POLE: variants seen among roughly 807,000 people sequenced by gnomAD.
POLE encodes the protein DNA polymerase epsilon catalytic subunit A.
Under a neutral mutation model 279.2 loss-of-function variants are expected in POLE, and 188 were observed. The ratio of observed to expected loss-of-function variants is 0.67; its 90% CI spans 0.60 to 0.76. The LOEUF (loss-of-function observed/expected upper bound fraction) is 0.76. POLE is among the 30% of genes least tolerant of loss of function. The pLI is 0.00. For missense variants in POLE, 2,703 were observed against 3,016.7 expected (o/e 0.90, Z 2.44); for synonymous variants, 1,214 against 1,172.5 (o/e 1.04, Z -0.72).
At chr12:132,656,088 C>A (rs2042529086) in intron 29 of POLE, among the ~76,000 whole-genome samples, 2 of 150,762 alleles carry the variant, frequency 1.3e-5, no homozygotes, top group Admixed American at 1.3e-4. Context: ...GAGGCTGAGG[C>A]AGAAAAAAAT....
intron 13 of POLE, 71 bp downstream of exon 13, chr12:132,673,504 C>T (rs2135998348): frequency 6.4e-7 from 1 of 1,566,510 alleles, no homozygotes; most frequent in Non-Finnish European, 8.7e-7. Flanking sequence ...GCTCACATGC[C>T]TGGGGCTGCT....
intron 33 of POLE, 106 bp downstream of exon 33, chr12:132,643,731 C>A: frequency 1.4e-6 from 2 of 1,470,760 alleles, no homozygotes; most frequent in South Asian, 1.3e-5. Context: ...GGGAACGAGT[C>A]CACTGTCGCT....
At chr12:132,672,521 C>T (rs756779708) in intron 15 of POLE, 106 bp downstream of exon 15, 69 of 1,264,776 alleles carry the variant, frequency 5.5e-5, no homozygotes, top group Non-Finnish European at 7.0e-5. Context: ...GGTGAGGGGC[C>T]GTGGGACAGG....
At chr12:132,676,008 C>A in intron 10 of POLE, 86 bp downstream of exon 10, 1 of 1,001,498 alleles carries the variant, frequency 1.0e-6, no homozygotes, top group Non-Finnish European at 1.5e-6. Context: ...CAATTCTGAT[C>A]TGACGGAATG....
intron 29 of POLE, among the ~76,000 whole-genome samples, chr12:132,654,236 CT>C (rs1200177937): frequency 1.2e-4 from 18 of 145,414 alleles, no homozygotes; most frequent in East Asian, 2.0e-4. Flanking sequence ...TTTTTCGTCT[CT>C]TTTTTTTTTC....
intron 7 of POLE, 46 bp from the exon 8 acceptor site, chr12:132,677,489 G>A: frequency 6.2e-7 from 1 of 1,607,408 alleles, no homozygotes; most frequent in South Asian, 1.1e-5. Flanking sequence ...ATCCAGGAAA[G>A]TCTATTCTTC....
At chr12:132,673,334 T>A in intron 13 of POLE, 57 bp from the exon 14 acceptor site, 1 of 1,309,928 alleles carries the variant, frequency 7.6e-7, no homozygotes, top group Non-Finnish European at 1.1e-6. Context: ...CAGGGTCAAG[T>A]GTGAAGCACA....
intron 8 of POLE, among the ~76,000 whole-genome samples, chr12:132,676,932 T>C (rs963532194): frequency 6.6e-6 from 1 of 152,204 alleles, no homozygotes; most frequent in Non-Finnish European, 1.5e-5. Flanking sequence ...CACCTCATTC[T>C]GGTGGTTATG....
rs2138487336 is a variant in POLE, at chr12:132,636,019, T to C, written c.5684A>G (p.His1895Arg). Residue 1895 changes from histidine (H) to arginine (R), a missense_variant, in exon 42 of 49, where the codon CAT (histidine) becomes CGT (arginine). By Grantham distance (29) the His-to-Arg change is conservative. This residue lies in a region of POLE where 1,551 missense variants were observed against 1,686.1 expected (regional missense o/e 0.92). Transcript: ENST00000320574. ...AYVEYITSSI[H>R]SKETFHSLTI... ...CAGAGAATGGAAGGTCTCCTTTGAATGGATGCTGCAGAGGAAGCATTGAAG... is the reference window on the plus strand; with the variant it reads ...CAGAGAATGGAAGGTCTCCTTTGAACGGATGCTGCAGAGGAAGCATTGAAG... 1.9e-6 allele frequency: 3 copies of C among 1,613,164 alleles called. No individual in the cohort carries two copies. Among genetic ancestry groups the C allele is most frequent in the South Asian group, 1.1e-5 (1 of 90,946 alleles).
rs186745909 is a variant in POLE, at chr12:132,640,843, C to T, written c.5378+804G>A. On this transcript the variant is annotated intron_variant, in intron 39 of 48. Coordinates refer to ENST00000320574, the MANE Select transcript of POLE (RefSeq NM_006231.4). Reference sequence around the variant, plus strand: ...ACCTTTCAGGCCTGGGCTACTGTCTCTCTGCCAAGACCCTGCTCCCGGCTC... The same window carrying T: ...ACCTTTCAGGCCTGGGCTACTGTCTTTCTGCCAAGACCCTGCTCCCGGCTC... Among the ~76,000 whole-genome samples the T allele has an allele frequency of 2.6e-4, 40 of 152,306 alleles. No homozygotes were observed. In the East Asian group the frequency reaches 7.3e-3, roughly 28 times the overall value.
chr12:132,682,291 C>CAAAAAAAAAA (rs759276322), intron 1 of POLE, among the ~76,000 whole-genome samples: 1 of 120,472 alleles, frequency 8.3e-6, no homozygotes, highest in African/African-American at 3.4e-5. Context: ...GAGACTCCGG[C>CAAAAAAAAAA]AAAAAAAAAA....
intron 1 of POLE, among the ~76,000 whole-genome samples, chr12:132,685,237 C>T (rs530203945): frequency 6.6e-6 from 1 of 150,392 alleles, no homozygotes; most frequent in East Asian, 2.0e-4. Flanking sequence ...TCACACCGTC[C>T]CAGTACTACA....
chr12:132,650,026 C>T, intron 29 of POLE, 137 bp from the exon 30 acceptor site: 2 of 676,096 alleles, frequency 3.0e-6, no homozygotes, highest in South Asian at 1.9e-5. Flanking sequence ...GCCTGGGTAA[C>T]AGCAAGACCC....
chr12:132,638,755 T>C (rs2138505846), intron 40 of POLE: 1 of 221,500 alleles, frequency 4.5e-6, no homozygotes. Context: ...ATTTGCTATT[T>C]GTAACAACGG....
intron 20 of POLE, among the ~76,000 whole-genome samples, chr12:132,666,517 G>A (rs1401274373): frequency 1.3e-5 from 2 of 152,276 alleles, no homozygotes; most frequent in East Asian, 1.9e-4. Context: ...GGGAGGTGGA[G>A]GCTGCAGTGA....
rs2042160893 is a variant in POLE at position 132,642,213 on chromosome 12, T to C, written c.5137A>G (p.Thr1713Ala). The C allele has an allele frequency of 6.2e-7, 1 of 1,605,872 alleles. No individual in the cohort carries two copies. Among genetic ancestry groups the C allele is most frequent in the Non-Finnish European group, 8.5e-7 (1 of 1,175,972 alleles). Residue 1713 changes from threonine to alanine, a missense_variant, in exon 38 of 49, where the codon ACT becomes GCT. Physicochemically the swap from Thr to Ala is moderately conservative, Grantham distance 58. This residue lies in a region of POLE where 1,551 missense variants were observed against 1,686.1 expected (regional missense o/e 0.92). Transcript: ENST00000320574. ...CAGCCTGAACTGTTGATCTCAACAGTGGCTTGGTCATCGAACTCCATGACA... is the reference window on the plus strand; with the variant it reads ...CAGCCTGAACTGTTGATCTCAACAGCGGCTTGGTCATCGAACTCCATGACA... ...CLVMEFDDQATVEINSSGCYS... is the reference protein window; with the variant it reads ...CLVMEFDDQAAVEINSSGCYS...
intron 29 of POLE, among the ~76,000 whole-genome samples, chr12:132,655,587 A>T (rs994326279): frequency 7.2e-5 from 11 of 152,214 alleles, no homozygotes; most frequent in Non-Finnish European, 1.0e-4. Flanking sequence ...ACATCTCCCA[A>T]ACTGATTGGA....
chr12:132,650,243 C>T (rs1340325877), intron 29 of POLE: 2 of 273,062 alleles, frequency 7.3e-6, no homozygotes, highest in African/African-American at 2.2e-5. Flanking sequence ...ATCTCATCCC[C>T]ACAAATTCTA....
In POLE at chr12:132,643,253, G is replaced by A. The variant is rs766511597; in HGVS notation, c.4522C>T (p.Arg1508Cys). Residue 1508 changes from arginine to cysteine, a missense_variant, in exon 35 of 49, where the codon CGC becomes TGC. Physicochemically the swap from Arg to Cys is radical, Grantham distance 180. This residue lies in a region of POLE where 1,551 missense variants were observed against 1,686.1 expected (regional missense o/e 0.92). Coordinates refer to ENST00000320574, the MANE Select transcript of POLE (RefSeq NM_006231.4). The stretch of plus-strand genomic sequence containing the variant: ...TCCAGCACAAAGACGGATGCCCTGC[G>A]CTGTGAGGGGATGAAGATCCCGAAG... ...ALFGIFIPSQ[R>C]RASVFVLDTV... is the part of the protein sequence containing the mutation. 16 of 1,613,700 alleles carry A rather than the reference G, an allele frequency of 9.9e-6. No homozygotes were observed. In the Admixed American group the frequency reaches 1.2e-4, roughly 12 times the overall value.
Sources: gnomAD v4.1 joint callset for allele counts (sites outside exome capture counted in the v4.1 genomes callset) on GRCh38, gnomAD v4.1.1 for gene constraint, gnomAD v4.1.1 regional missense constraint, MANE v1.5 for transcripts, NCBI Gene and HGNC (gene_info 2026-07-23, HGNC 2026-07-21) for gene names.